R3HDM4: variants seen among roughly 807,000 people sequenced by gnomAD.
R3HDM4 encodes R3H domain-containing protein 4.
A neutral mutation model predicts 31.3 loss-of-function variants in R3HDM4; 30 were observed. That is an observed-to-expected ratio of 0.96 (90% CI 0.72 to 1.30). The LOEUF is 1.30. Among genes scored for constraint, R3HDM4 ranks in the 50% most tolerant of loss-of-function variants. The pLI, the probability that R3HDM4 is intolerant of heterozygous loss-of-function variation, is 0.00. For missense variants in R3HDM4, 444 were observed against 366.1 expected, an observed-to-expected ratio of 1.21 and a Z score of -1.74; for synonymous variants, 196 against 156.6, an observed-to-expected ratio of 1.25 and a Z score of -1.88.
At chr19:903,683 G>T (rs895325987) in intron 1 of R3HDM4, among the ~76,000 whole-genome samples, 2 of 152,208 alleles carry the variant, frequency 1.3e-5, no homozygotes, top group African/African-American at 4.8e-5. Context: ...TGAGCCTGGG[G>T]AGTTTGAGGC....
In R3HDM4 at chr19:901,410, T is replaced by TG. The variant is rs35934000; in HGVS notation, c.351+11dup. 3.1e-6 allele frequency: 5 copies of TG among 1,599,548 alleles called. No individual in the cohort carries two copies. In the South Asian group the frequency reaches 4.4e-5, roughly 14 times the overall value. ...CCCCGTGTGGAGGGAGTGAGGGGGT[T>TG]GGGGGCCACACCTCCACATAGGTGG... On this transcript the variant is annotated intron_variant, in intron 3 of 7. Transcript: ENST00000361574.
At chr19:900,031 A>G in intron 5 of R3HDM4, 30 bp downstream of exon 5, 1 of 1,605,196 alleles carries the variant, frequency 6.2e-7, no homozygotes, top group South Asian at 1.1e-5. Flanking sequence ...AGGCAGGTAG[A>G]AAAGGGAGGC....
At position 897,239 on chromosome 19, in the gene R3HDM4, A is replaced by G; in HGVS notation, c.*198T>C. 1 of 519,940 alleles carries G rather than the reference A, an allele frequency of 1.9e-6. No individual in the cohort carries two copies. Among genetic ancestry groups the G allele is most frequent in the Non-Finnish European group, 3.4e-6 (1 of 295,170 alleles). 32.2% of individuals were successfully genotyped at this position (519,940 alleles called of 1,614,324 possible). On this transcript the variant is annotated 3_prime_UTR_variant, in exon 8 of 8. Transcript: ENST00000361574. ...CCGGAGTGGGAAGCTTGGAGCTGGG[A>G]TGGCATGGGCAGCCCCAGCCGCCAG...
In R3HDM4 at chr19:899,813, G is replaced by A. The variant is rs2036801698; in HGVS notation, c.562-127C>T. ...GACCTCTGACCCACCACGTGAGGCT[G>A]CTTAAGTGTCTCTGAGGCCACCATG... On this transcript the variant is annotated intron_variant, in intron 5 of 7. Transcript: ENST00000361574. This position sits in a 1 kb window ranked among gnomAD's most constrained non-coding sequence, Gnocchi z 6.8. 5 of 818,148 alleles carry A rather than the reference G, an allele frequency of 6.1e-6. No homozygotes were observed. The highest frequency in any genetic ancestry group is 2.7e-5 in the East Asian group (1 of 37,262). The allele number at this position is 818,148 out of a possible 1,614,324, so 50.7% of individuals were successfully genotyped here.
chr19:903,030 T>A (rs1418213731), intron 1 of R3HDM4, among the ~76,000 whole-genome samples: 3 of 152,052 alleles, frequency 2.0e-5, no homozygotes, highest in African/African-American at 7.2e-5. Flanking sequence ...AGCAGGTGAA[T>A]GACCAAGAAA....
chr19:899,754 GC>G lies in R3HDM4; in HGVS notation c.562-69del. The G allele has an allele frequency of 7.2e-6, 9 of 1,258,452 alleles. No individual in the cohort carries two copies. Among genetic ancestry groups the G allele is most frequent in the South Asian group, 1.5e-5 (1 of 66,298 alleles). The allele number at this position is 1,258,452 out of a possible 1,614,324, so 78.0% of individuals were successfully genotyped here. A position where few individuals can be genotyped will look rare whatever the true frequency, so the allele number is the denominator to read the frequency against. ...GGGTGGGGGGCCAGGGAGGTCCAGG[GC>G]CCCCAGGAGCCCACAGCGCTGGGCT... On this transcript the variant is annotated intron_variant, in intron 5 of 7. Transcript: ENST00000361574. The surrounding 1 kb of genome is among the most constrained non-coding windows in gnomAD (Gnocchi z 6.8).
intron 3 of R3HDM4, 105 bp downstream of exon 3, chr19:901,317 A>C: frequency 7.9e-7 from 1 of 1,273,692 alleles, no homozygotes. Context: ...GGAGATCAGA[A>C]GTGGGCGGGT....
intron 1 of R3HDM4, among the ~76,000 whole-genome samples, chr19:911,203 T>C (rs1468876080): frequency 2.0e-5 from 3 of 152,164 alleles, no homozygotes; most frequent in African/African-American, 4.8e-5. Context: ...CCCAGCACTT[T>C]GGGAGGCCGA....
At chr19:906,087 C>T (rs1200987339) in intron 1 of R3HDM4, among the ~76,000 whole-genome samples, 2 of 152,084 alleles carry the variant, frequency 1.3e-5, no homozygotes, top group Non-Finnish European at 2.9e-5. Flanking sequence ...CGCAGTGGTG[C>T]GATCTCCGCT....
Position 901,509 on chromosome 19 carries a change from G to A in R3HDM4, c.264C>T (p.Gly88=), listed in dbSNP as rs1568340559. 1.9e-6 allele frequency: 3 copies of A among 1,608,366 alleles called. No individual in the cohort carries two copies. Among genetic ancestry groups the A allele is most frequent in the Non-Finnish European group, 2.5e-6 (3 of 1,179,744 alleles). The part of the protein sequence containing the change: ...YLLTLLETDG[G]LPGLEDGDLA... ...AGTCCCCATCCTCCAGGCCAGGCAG[G>A]CCCCCGTCTGTCTCCAGCAGGGTCA... Residue 88 remains glycine, a synonymous_variant, in exon 3 of 8, where the codon GGC becomes GGT. Coordinates refer to ENST00000361574, the MANE Select transcript of R3HDM4 (RefSeq NM_138774.4).
chr19:900,090 C>A lies in R3HDM4; in HGVS notation c.532G>T (p.Ala178Ser). Reference sequence around the variant, plus strand: ...GGGATGCGGCTGCGCTTGAGGACGGCTCGCAGACGCCGGCTGATGCGCTGG... The same window carrying A: ...GGGATGCGGCTGCGCTTGAGGACGGATCGCAGACGCCGGCTGATGCGCTGG... ...CFQRISRRLR[A>S]VLKRSRIPME... Residue 178 changes from alanine to serine, a missense_variant, in exon 5 of 8, where the codon GCC becomes TCC. By Grantham distance (99) the Ala-to-Ser change is moderately conservative (BLOSUM62 1). Transcript: ENST00000361574. The A allele has an allele frequency of 6.2e-7, 1 of 1,609,704 alleles. No individual in the cohort carries two copies. The highest frequency in any genetic ancestry group is 8.5e-7 in the Non-Finnish European group (1 of 1,178,406).
chr19:904,317 C>G (rs1475873983), intron 1 of R3HDM4, among the ~76,000 whole-genome samples: 1 of 152,176 alleles, frequency 6.6e-6, no homozygotes, highest in African/African-American at 2.4e-5. Context: ...TAACCCCCAC[C>G]GCCGGCACTC....
intron 4 of R3HDM4, 28 bp downstream of exon 4, chr19:900,801 C>T (rs2036822671): frequency 3.6e-6 from 5 of 1,377,166 alleles, no homozygotes; most frequent in African/African-American, 3.0e-5. Context: ...CCTGGCCCCA[C>T]CCATACCCGC....
chr19:910,098 G>A (rs1458983769), intron 1 of R3HDM4, among the ~76,000 whole-genome samples: 5 of 152,144 alleles, frequency 3.3e-5, no homozygotes, highest in South Asian at 2.1e-4. Context: ...GGCCAAGGCC[G>A]GTGGATCACC....
intron 2 of R3HDM4, 76 bp downstream of exon 2, chr19:901,900 A>C: frequency 1.9e-6 from 3 of 1,553,998 alleles, no homozygotes; most frequent in Non-Finnish European, 2.6e-6. Context: ...TGGGAGGGGT[A>C]ACAGATAACA....
intron 2 of R3HDM4, chr19:901,768 G>GGGCC: frequency 2.2e-5 from 16 of 727,238 alleles, no homozygotes; most frequent in Non-Finnish European, 2.9e-5. Context: ...TGCCCGGGGC[G>GGGCC]CCCTCCCACC....
rs1299793568 is a variant in R3HDM4 at position 899,572 on chromosome 19, G to C, written c.647+29C>G. On this transcript the variant is annotated intron_variant, in intron 6 of 7. Coordinates refer to ENST00000361574, the MANE Select transcript of R3HDM4 (RefSeq NM_138774.4). The surrounding 1 kb of genome is among the most constrained non-coding windows in gnomAD (Gnocchi z 6.8). ...CGCCCACCTGGCCGCAGCCTCGGAG[G>C]GTCCGCTCGCCTGGCCGCCCCCCCT... 1 of 1,612,102 alleles carries C rather than the reference G, an allele frequency of 6.2e-7. No individual in the cohort carries two copies. Among genetic ancestry groups the C allele is most frequent in the East Asian group, 2.2e-5 (1 of 44,864 alleles).
Position 897,436 on chromosome 19 carries a change from A to G in R3HDM4, c.*1T>C, listed in dbSNP as rs2036753794. 4.4e-6 allele frequency: 7 copies of G among 1,602,226 alleles called. No homozygotes were observed. The highest frequency in any genetic ancestry group is 6.0e-6 in the Non-Finnish European group (7 of 1,174,570). Reference sequence around the variant, plus strand: ...GCAGCGGGGTCTCCGCGGGGCCGCCATCAGCTGTGCTGCTCCAGGTAGGCG... The same window carrying G: ...GCAGCGGGGTCTCCGCGGGGCCGCCGTCAGCTGTGCTGCTCCAGGTAGGCG... On this transcript the variant is annotated 3_prime_UTR_variant, in exon 8 of 8. Transcript: ENST00000361574.
chr19:901,767 C>G (rs549997842), intron 2 of R3HDM4: 6 of 750,374 alleles, frequency 8.0e-6, no homozygotes, highest in Non-Finnish European at 1.3e-5. Flanking sequence ...ATGCCCGGGG[C>G]GCCCTCCCAC....
Sources: allele counts gnomAD v4.1 joint callset (sites outside exome capture counted in the v4.1 genomes callset), GRCh38; gene constraint gnomAD v4.1.1; non-coding constraint Gnocchi (gnomAD v3.1); transcripts MANE v1.5; gene names NCBI Gene and HGNC (gene_info 2026-07-23, HGNC 2026-07-21).